OTOGL: variants seen among roughly 807,000 people sequenced by gnomAD.
The protein encoded by OTOGL is otogelin like, also known as otogelin-like protein.
In OTOGL, 285 loss-of-function variants were observed where a neutral mutation model predicts 318.5. The ratio of observed to expected loss-of-function variants is 0.89; its 90% CI spans 0.81 to 0.99. OTOGL has a LOEUF of 0.99. Ranked by LOEUF, OTOGL falls within the 50% of genes least tolerant of loss-of-function variation. The pLI, the probability that OTOGL is intolerant of heterozygous loss-of-function variation, is 0.00. For missense variants in OTOGL, 2,899 were observed against 2,845.6 expected (o/e 1.02, Z -0.43); for synonymous variants, 987 against 936.5 (o/e 1.05, Z -0.99).
chr12:80,146,884 TC>T (rs1355887209), intron 1 of OTOGL, among the ~76,000 whole-genome samples: 1 of 151,206 alleles, frequency 6.6e-6, no homozygotes, highest in Non-Finnish European at 1.5e-5. Context: ...AGTTTGTATT[TC>T]TGTGGGATTG....
chr12:80,128,775 C>CGCCTTGCA (rs1216448610), intron 1 of OTOGL, among the ~76,000 whole-genome samples: 1 of 151,962 alleles, frequency 6.6e-6, no homozygotes, highest in Non-Finnish European at 1.5e-5. Flanking sequence ...GCCGCCTTGC[C>CGCCTTGCA]GTTTGATCTC....
chr12:80,358,412 A>G (rs1428383032), intron 50 of OTOGL, 63 bp downstream of exon 50: 2 of 1,283,992 alleles, frequency 1.6e-6, no homozygotes, highest in East Asian at 5.0e-5. Flanking sequence ...AGCCCAGTGC[A>G]TCTTAGTTGG....
At chr12:80,197,451 C>T (rs1358174940) in intron 1 of OTOGL, among the ~76,000 whole-genome samples, 1 of 152,182 alleles carries the variant, frequency 6.6e-6, no homozygotes, top group Non-Finnish European at 1.5e-5. Context: ...GTCTTGAACT[C>T]CCGACCTCAA....
In OTOGL at chr12:80,258,017, T is replaced by G. The variant is rs759076689; in HGVS notation, c.1889+15T>G. ...GATGATTTTCTGTAAGTATGATTTC[T>G]GCATAGTTAACATACTTAATGACTG... is the stretch of plus-strand genomic sequence containing the variant. On this transcript the variant is annotated intron_variant, in intron 18 of 58. Coordinates refer to ENST00000547103, the MANE Select transcript of OTOGL (RefSeq NM_001378609.3). The G allele has an allele frequency of 6.4e-7, 1 of 1,562,370 alleles. No homozygotes were observed. Among genetic ancestry groups the G allele is most frequent in the Admixed American group, 1.9e-5 (1 of 51,918 alleles).
intron 52 of OTOGL, among the ~76,000 whole-genome samples, chr12:80,364,267 T>C (rs2138062710): frequency 6.6e-6 from 1 of 152,298 alleles, no homozygotes; most frequent in African/African-American, 2.4e-5. Flanking sequence ...TCCTGAGTAC[T>C]CACTCTGAAT....
At chr12:80,139,559 G>A (rs985652425) in intron 1 of OTOGL, among the ~76,000 whole-genome samples, 7 of 152,018 alleles carry the variant, frequency 4.6e-5, no homozygotes, top group Admixed American at 1.3e-4. Flanking sequence ...GATCCACTAA[G>A]TTTTTGTTGT....
intron 25 of OTOGL, 30 bp from the exon 26 acceptor site, chr12:80,278,998 A>AT: frequency 2.4e-6 from 3 of 1,257,906 alleles, no homozygotes; most frequent in Non-Finnish European, 3.3e-6. Context: ...TCGTTTCTTT[A>AT]GAAAGGTAAC....
chr12:80,336,262 G>C, intron 39 of OTOGL, 122 bp downstream of exon 39: 3 of 1,341,764 alleles, frequency 2.2e-6, no homozygotes, highest in Non-Finnish European at 2.9e-6. Context: ...TTCATGATTT[G>C]ATTTATGATT....
At position 80,239,339 on chromosome 12, in the gene OTOGL, T is replaced by C. The variant is rs777944335; in HGVS notation, c.952T>C (p.Phe318Leu). ...SSGMPAFEAIFFKCQILLQFP... is the reference protein window; with the variant it reads ...SSGMPAFEAILFKCQILLQFP... ...GCCATCTTTTTTTGCACAGGCAATC[T>C]TCTTCAAGTGTCAGATACTGTTGCA... is the stretch of plus-strand genomic sequence containing the variant. Residue 318 changes from phenylalanine (F) to leucine (L), a missense_variant, in exon 11 of 59, where the codon TTC (phenylalanine) becomes CTC (leucine). Coordinates refer to ENST00000547103, the MANE Select transcript of OTOGL (RefSeq NM_001378609.3). 1 of 1,604,328 alleles carries C rather than the reference T, an allele frequency of 6.2e-7. No homozygotes were observed. The highest frequency in any genetic ancestry group is 2.2e-5 in the East Asian group (1 of 44,666).
At chr12:80,133,144 T>C (rs1484123557) in intron 1 of OTOGL, among the ~76,000 whole-genome samples, 1 of 152,158 alleles carries the variant, frequency 6.6e-6, no homozygotes, top group Non-Finnish European at 1.5e-5. Flanking sequence ...ATCTGAATGT[T>C]TATCACTAGG....
intron 52 of OTOGL, 135 bp from the exon 53 acceptor site, chr12:80,366,439 C>T (rs972496787): frequency 1.0e-4 from 45 of 449,462 alleles, no homozygotes; most frequent in African/African-American, 1.4e-4. Context: ...TGATAAGGGA[C>T]TTATTAGATG....
intron 1 of OTOGL, among the ~76,000 whole-genome samples, chr12:80,116,425 G>C (rs963620318): frequency 6.6e-6 from 1 of 151,984 alleles, no homozygotes; most frequent in Non-Finnish European, 1.5e-5. Flanking sequence ...TACCTCAGTT[G>C]GAAATGCAGA....
At chr12:80,170,697 G>A (rs947667205) in intron 1 of OTOGL, among the ~76,000 whole-genome samples, 6 of 152,078 alleles carry the variant, frequency 3.9e-5, no homozygotes, top group Admixed American at 1.3e-4. Flanking sequence ...GCCTCCCAAA[G>A]CGCAGGGATT....
chr12:80,291,105 G>T (rs1380559767), intron 26 of OTOGL, among the ~76,000 whole-genome samples: 1 of 152,086 alleles, frequency 6.6e-6, no homozygotes, highest in African/African-American at 2.4e-5. Context: ...TAGAGTATTT[G>T]TCTTAACTCT....
chr12:80,103,092 T>G (rs948362614), intron 1 of OTOGL: 1 of 1,114,260 alleles, frequency 9.0e-7, no homozygotes, highest in East Asian at 2.4e-5. Flanking sequence ...CCATTCAATG[T>G]AGATAACATA....
At chr12:80,229,022 G>A (rs913227902) in intron 7 of OTOGL, among the ~76,000 whole-genome samples, 9 of 152,072 alleles carry the variant, frequency 5.9e-5, no homozygotes, top group African/African-American at 2.2e-4. Flanking sequence ...TCCAACATGC[G>A]AAGATTCAAA....
At chr12:80,289,574 T>C (rs1409346052) in intron 26 of OTOGL, among the ~76,000 whole-genome samples, 1 of 152,232 alleles carries the variant, frequency 6.6e-6, no homozygotes, top group Non-Finnish European at 1.5e-5. Flanking sequence ...CTGCTGCATT[T>C]CTTTCAGAGA....
chr12:80,318,463 T>A, intron 32 of OTOGL, 83 bp from the exon 33 acceptor site: 1 of 980,874 alleles, frequency 1.0e-6, no homozygotes, highest in Non-Finnish European at 1.3e-6. Context: ...AGTATTTTGT[T>A]ATTAAAACAT....
At position 80,352,436 on chromosome 12, in the gene OTOGL, TGTGA is replaced by T. The variant is rs762459214; in HGVS notation, c.5407+3_5407+6del. 47 of 1,549,012 alleles carry T rather than the reference TGTGA, an allele frequency of 3.0e-5. No homozygotes were observed. Among genetic ancestry groups the T allele is most frequent in the African/African-American group, 4.8e-5 (3 of 61,900 alleles). On this transcript the variant is annotated splice_donor_variant and splice_donor_region_variant and intron_variant, in intron 45 of 58. Transcript: ENST00000547103. LOFTEE classifies it high-confidence loss of function. ...TCAGTGGAGAACACCTGATTACTGC[TGTGA>T]GTAACTGTTAACTGAATATTTTTCC...
Sources: allele counts gnomAD v4.1 joint callset (sites outside exome capture counted in the v4.1 genomes callset), GRCh38; gene constraint gnomAD v4.1.1; transcripts MANE v1.5; gene names NCBI Gene and HGNC (gene_info 2026-07-23, HGNC 2026-07-21).